Variants in MYH14 observed in about 807,000 individuals in gnomAD.
MYH14 encodes the protein myosin-14.
In MYH14, 123 loss-of-function variants were observed where a neutral mutation model predicts 255.5. The observed-to-expected ratio is 0.48, with a 90% CI of 0.42 to 0.56. The LOEUF is 0.56. Among genes scored for constraint, MYH14 ranks in the 20% least tolerant of loss-of-function variants. The pLI, the probability that MYH14 is intolerant of heterozygous loss-of-function variation, is 0.00. For synonymous variants in MYH14, 1,095 were observed against 1,161.2 expected (o/e 0.94, Z 1.16); for missense variants, 2,423 against 2,802.3 (o/e 0.86, Z 3.06).
At chr19:50,301,998 C>A in intron 40 of MYH14, 129 bp downstream of exon 40, 2 of 777,362 alleles carry the variant, frequency 2.6e-6, no homozygotes, top group Non-Finnish European at 4.1e-6. Context: ...TGACTGCTGG[C>A]CTGGCATGGT....
intron 3 of MYH14, among the ~76,000 whole-genome samples, chr19:50,220,137 G>A (rs960958688): frequency 9.9e-5 from 15 of 151,884 alleles, no homozygotes; most frequent in South Asian, 2.1e-4. Flanking sequence ...CATCGGTGCC[G>A]CTCGCCATTT....
At chr19:50,209,783 C>CAAAA (rs1209985827) in intron 1 of MYH14, among the ~76,000 whole-genome samples, 2 of 65,644 alleles carry the variant, frequency 3.0e-5, no homozygotes, top group Non-Finnish European at 6.2e-5. Flanking sequence ...GACTCCATCT[C>CAAAA]AAAAAAAAAA....
intron 22 of MYH14, 38 bp downstream of exon 22, chr19:50,263,458 G>A: frequency 6.8e-7 from 1 of 1,464,202 alleles, no homozygotes; most frequent in Non-Finnish European, 9.3e-7. Context: ...AGTAGGGAGA[G>A]GATAGGGCCT....
At chr19:50,263,985 A>C (rs1354472955) in intron 22 of MYH14, among the ~76,000 whole-genome samples, 1 of 135,294 alleles carries the variant, frequency 7.4e-6, no homozygotes, top group Admixed American at 8.7e-5. Context: ...CAAACCTAGG[A>C]GGTGGAGGTT....
intron 15 of MYH14, among the ~76,000 whole-genome samples, chr19:50,251,978 C>A (rs546622085): frequency 6.6e-6 from 1 of 152,250 alleles, no homozygotes; most frequent in East Asian, 1.9e-4. Flanking sequence ...GACCAGGCAG[C>A]CCCAGAGGAT....
In MYH14 at chr19:50,308,662, G is replaced by C. The variant is rs990035103; in HGVS notation, c.5788-343G>C. 1.8e-5 allele frequency: 5 copies of C among 282,316 alleles called. No homozygotes were observed. In the East Asian group the frequency reaches 3.2e-4, roughly 18 times the overall value. The allele number at this position is 282,316 out of a possible 1,614,324, so 17.5% of individuals were successfully genotyped here. On this transcript the variant is annotated intron_variant, in intron 41 of 42. Coordinates refer to ENST00000642316, the MANE Select transcript of MYH14 (RefSeq NM_001145809.2). Reference sequence around the variant, plus strand: ...GGAAGAGAGAACTGGACAAGAAAAAGACCCTGTGGGGCCTGGAATGCCAGG... The same window carrying C: ...GGAAGAGAGAACTGGACAAGAAAAACACCCTGTGGGGCCTGGAATGCCAGG...
intron 23 of MYH14, among the ~76,000 whole-genome samples, chr19:50,267,783 T>G (rs2035144524): frequency 6.6e-6 from 1 of 151,938 alleles, no homozygotes. Flanking sequence ...ATTTGAAGGA[T>G]GGACTGGAAG....
chr19:50,217,500 C>CA, intron 2 of MYH14, 115 bp from the exon 3 acceptor site: 1 of 1,125,268 alleles, frequency 8.9e-7, no homozygotes, highest in Non-Finnish European at 1.4e-6. Flanking sequence ...ATGGTGTAGA[C>CA]ATACCATGTG....
chr19:50,234,008 CA>C (rs1221172531), intron 10 of MYH14, among the ~76,000 whole-genome samples: 1 of 151,562 alleles, frequency 6.6e-6, no homozygotes, highest in East Asian at 1.9e-4. Flanking sequence ...TTAGTAGAGA[CA>C]GGGTTTCACT....
intron 35 of MYH14, 85 bp from the exon 36 acceptor site, chr19:50,290,802 C>G (rs1601036518): frequency 2.1e-6 from 3 of 1,423,854 alleles, no homozygotes; most frequent in Non-Finnish European, 2.8e-6. Flanking sequence ...GGCAGGAGCT[C>G]CAGGGCAGAC....
At chr19:50,258,844 A>G (rs1048828217) in intron 18 of MYH14, 6 of 315,532 alleles carry the variant, frequency 1.9e-5, no homozygotes, top group African/African-American at 1.3e-4. Flanking sequence ...TTGCGTGCAA[A>G]TTCAGCCCCA....
chr19:50,205,390 C>T lies in MYH14; in HGVS notation c.-4+1719C>T, dbSNP rs546858695. 2.1e-4 allele frequency: 32 copies of T among 152,980 alleles called. No homozygotes were observed. The South Asian group carries it at 6.1e-3, about 29-fold the overall frequency. 9.5% of individuals were successfully genotyped at this position (152,980 alleles called of 1,614,324 possible). On this transcript the variant is annotated intron_variant, in intron 1 of 42. Transcript: ENST00000642316. ...CAGAGGCCCTGAAGCTCCAGGCCCG[C>T]CCCGTTCCCAGCCGGGCAGGTGCTG...
At chr19:50,238,993 G>A (rs1211100598) in intron 10 of MYH14, among the ~76,000 whole-genome samples, 1 of 151,958 alleles carries the variant, frequency 6.6e-6, no homozygotes, top group African/African-American at 2.4e-5. Context: ...TAGGCCAGTT[G>A]TCCCCCAACC....
chr19:50,253,956 G>A (rs979450317), intron 16 of MYH14, among the ~76,000 whole-genome samples: 48 of 152,150 alleles, frequency 3.2e-4, no homozygotes, highest in Admixed American at 1.2e-3. Context: ...GGTGGCTCAC[G>A]CCTGTAATCC....
chr19:50,277,370 C>G (rs1247957274), intron 29 of MYH14, among the ~76,000 whole-genome samples: 3 of 152,108 alleles, frequency 2.0e-5, no homozygotes, highest in African/African-American at 4.8e-5. Context: ...CTTTGGGAGG[C>G]TGAGGCAGGC....
intron 10 of MYH14, among the ~76,000 whole-genome samples, chr19:50,241,135 A>G (rs2033875009): frequency 6.6e-6 from 1 of 152,138 alleles, no homozygotes; most frequent in African/African-American, 2.4e-5. Context: ...CTATGGCCCC[A>G]CCATGAAAGC....
At chr19:50,223,159 C>T (rs374686439) in intron 4 of MYH14, 49 bp downstream of exon 4, 12 of 1,609,800 alleles carry the variant, frequency 7.5e-6, no homozygotes, top group Admixed American at 6.7e-5. Flanking sequence ...CTGGGTGGGG[C>T]GTGGCTGTGT....
chr19:50,255,821 C>A (rs2034572101), intron 17 of MYH14, among the ~76,000 whole-genome samples: 1 of 150,624 alleles, frequency 6.6e-6, no homozygotes, highest in Non-Finnish European at 1.5e-5. Context: ...ACGGTTGAAC[C>A]TGGGGAAGAA....
In MYH14 at chr19:50,268,206, G is replaced by A. The variant is rs371930147; in HGVS notation, c.2872G>A (p.Ala958Thr). 27 of 1,556,000 alleles carry A rather than the reference G, an allele frequency of 1.7e-5. No individual in the cohort carries two copies. In the African/African-American group the frequency reaches 3.6e-4, roughly 20 times the overall value. Residue 958 changes from alanine to threonine, a missense_variant, in exon 24 of 43, where the codon GCA becomes ACA. This residue lies in a region of MYH14 where 1,513 missense variants were observed against 1,674.8 expected (regional missense o/e 0.90). Coordinates refer to ENST00000642316, the MANE Select transcript of MYH14 (RefSeq NM_001145809.2). ...ARLAEQLRAE[A>T]ELCAEAEETR... The stretch of plus-strand genomic sequence containing the variant: ...CCTGGCAGAGCAATTGCGAGCAGAG[G>A]CAGAACTGTGTGCAGAGGCCGAGGA...
Sources: gnomAD v4.1 joint callset for allele counts (sites outside exome capture counted in the v4.1 genomes callset) on GRCh38, gnomAD v4.1.1 for gene constraint, gnomAD v4.1.1 regional missense constraint, MANE v1.5 for transcripts, NCBI Gene and HGNC (gene_info 2026-07-23, HGNC 2026-07-21) for gene names.